The following HAVCR1 variants were observed in gnomAD, a reference collection of about 807,000 sequenced individuals.
HAVCR1 encodes the protein T cell immunoglobin domain and mucin domain protein 1.
A neutral mutation model predicts 32.0 loss-of-function variants in HAVCR1; 34 were observed. The ratio of observed to expected loss-of-function variants is 1.06; its 90% confidence interval spans 0.81 to 1.42. The LOEUF is 1.42. HAVCR1 is among the 40% of genes most tolerant of loss of function. The pLI is 0.00. For missense variants in HAVCR1, 420 were observed against 442.3 expected, an observed-to-expected ratio of 0.95 and a Z score of 0.45; for synonymous variants, 178 against 170.3, an observed-to-expected ratio of 1.05 and a Z score of -0.35.
chr5:157,047,110 T>C (rs1263053531), intron 5 of HAVCR1, among the ~76,000 whole-genome samples: 3 of 152,174 alleles, frequency 2.0e-5, no homozygotes, highest in African/African-American at 7.2e-5. Context: ...GGAAACAATA[T>C]TGGACTTTCT....
chr5:157,045,439 G>A (rs1402907885), intron 5 of HAVCR1, among the ~76,000 whole-genome samples: 1 of 152,054 alleles, frequency 6.6e-6, no homozygotes, highest in African/African-American at 2.4e-5. Context: ...GAGGAGTGGG[G>A]AGGAGGGAGG....
chr5:157,040,204 AGGAGAATT>A (rs68135952), intron 6 of HAVCR1, among the ~76,000 whole-genome samples: 32,378 of 151,820 alleles, frequency 0.21, 4,102 homozygotes, highest in Admixed American at 0.32. Flanking sequence ...AGGCTGAGGC[AGGAGAATT>A]GCTTGAACCT....
At chr5:157,039,136 C>T (rs1005290667) in intron 6 of HAVCR1, among the ~76,000 whole-genome samples, 2 of 152,114 alleles carry the variant, frequency 1.3e-5, no homozygotes, top group African/African-American at 4.8e-5. Flanking sequence ...ATAAATAAAC[C>T]ATAACTTTAA....
chr5:157,053,751 T>C (rs1755919179), intron 3 of HAVCR1, among the ~76,000 whole-genome samples: 1 of 151,892 alleles, frequency 6.6e-6, no homozygotes, highest in Non-Finnish European at 1.5e-5. Context: ...GCACCTGTAG[T>C]CCCAGCTACT....
In HAVCR1 at chr5:157,042,682, T is replaced by C. The variant is rs750760078; in HGVS notation, c.782A>G (p.Asp261Gly). 1 of 1,563,514 alleles carries C rather than the reference T, an allele frequency of 6.4e-7. No individual in the cohort carries two copies. Among genetic ancestry groups the C allele is most frequent in the Admixed American group, 1.7e-5 (1 of 59,188 alleles). Residue 261 changes from aspartate to glycine, a missense_variant and splice_region_variant, in exon 6 of 9, where the codon GAT (aspartate) becomes GGT (glycine). By Grantham distance (94) the Asp-to-Gly change is moderately conservative. Transcript: ENST00000523175. ...AGACTCTGTCACGGTGTCATTCCCA[T>C]CTACTCAACAAGAAGGAAATTTAAT... The part of the protein sequence containing the change: ...TSSPLYSYTT[D>G]GNDTVTESSD...
chr5:157,050,462 C>A (rs563133243), intron 4 of HAVCR1, among the ~76,000 whole-genome samples: 1 of 152,278 alleles, frequency 6.6e-6, no homozygotes. Flanking sequence ...AATGTCCCTG[C>A]GTTCTATTTG....
chr5:157,036,780 T>G (rs1390841135), intron 7 of HAVCR1, among the ~76,000 whole-genome samples: 1 of 152,152 alleles, frequency 6.6e-6, no homozygotes, highest in African/African-American at 2.4e-5. Flanking sequence ...CAAGCAATCC[T>G]CCTGCCTCAG....
intron 6 of HAVCR1, 108 bp from the exon 7 acceptor site, chr5:157,037,469 G>A: frequency 1.6e-6 from 1 of 633,034 alleles, no homozygotes; most frequent in South Asian, 1.9e-5. Context: ...TGGTGCTTGG[G>A]GACTTCTGGA....
chr5:157,036,716 T>A (rs1040176751), intron 7 of HAVCR1, among the ~76,000 whole-genome samples: 3 of 152,174 alleles, frequency 2.0e-5, no homozygotes, highest in African/African-American at 7.2e-5. Flanking sequence ...TTTCCTTTTA[T>A]TTTAGAGACA....
chr5:157,036,950 T>C (rs1256540018), intron 7 of HAVCR1, among the ~76,000 whole-genome samples: 1 of 152,206 alleles, frequency 6.6e-6, no homozygotes, highest in East Asian at 1.9e-4. Context: ...AGTCTTGAAC[T>C]CCTGGGCTCA....
Position 157,029,766 on chromosome 5 carries a change from G to A in HAVCR1, c.1062C>T (p.Ile354=), listed in dbSNP as rs773225254. Residue 354 remains isoleucine, a synonymous_variant, in exon 9 of 9, where the codon ATC becomes ATT. Transcript: ENST00000523175. The stretch of plus-strand genomic sequence containing the variant: ...TGGCATAAAGACTATTCTCAATGTA[G>A]ATATTGTCTTCTGCTTGGACTTCCT... The part of the protein sequence containing the change: ...VEKEVQAEDN[I]YIENSLYATD 9 of 1,611,728 alleles carry A rather than the reference G, an allele frequency of 5.6e-6. No individual in the cohort carries two copies. In the Admixed American group the frequency reaches 8.3e-5, roughly 15 times the overall value.
chr5:157,046,260 G>A (rs964762659), intron 5 of HAVCR1, among the ~76,000 whole-genome samples: 3 of 152,166 alleles, frequency 2.0e-5, no homozygotes, highest in African/African-American at 7.2e-5. Context: ...GGCCTGCAAG[G>A]TGTGACCTTG....
intron 5 of HAVCR1, 137 bp from the exon 6 acceptor site, chr5:157,042,819 G>A (rs1341747453): frequency 3.5e-6 from 2 of 563,958 alleles, no homozygotes; most frequent in East Asian, 6.0e-5. Flanking sequence ...GGCACTGCAA[G>A]AGTCATACCA....
intron 5 of HAVCR1, among the ~76,000 whole-genome samples, chr5:157,044,428 A>G (rs1561589950): frequency 6.7e-4 from 18 of 26,754 alleles, no homozygotes; most frequent in Admixed American, 1.0e-3. Context: ...AAGGAGAAAG[A>G]AAGAAAGAAA....
rs1754056827 is a variant in HAVCR1, at chr5:157,029,754, A to G, written c.1074T>C (p.Asn358=). 2 of 1,612,716 alleles carry G rather than the reference A, an allele frequency of 1.2e-6. No individual in the cohort carries two copies. Among genetic ancestry groups the G allele is most frequent in the South Asian group, 1.1e-5 (1 of 91,058 alleles). The change falls in exon 9 of 9, where the codon AAT becomes AAC. Residue 358 remains asparagine, a synonymous_variant. Coordinates refer to ENST00000523175, the MANE Select transcript of HAVCR1 (RefSeq NM_001173393.3). Reference sequence around the variant, plus strand: ...GGTCTTAGTCCGTGGCATAAAGACTATTCTCAATGTAGATATTGTCTTCTG... The same window carrying G: ...GGTCTTAGTCCGTGGCATAAAGACTGTTCTCAATGTAGATATTGTCTTCTG... ...VQAEDNIYIE[N]SLYATD
intron 5 of HAVCR1, among the ~76,000 whole-genome samples, chr5:157,047,394 A>C (rs1198036922): frequency 6.6e-6 from 1 of 152,136 alleles, no homozygotes; most frequent in Non-Finnish European, 1.5e-5. Flanking sequence ...TCTACTAAAA[A>C]TACAAAATTA....
chr5:157,042,258 C>A (rs924595518), intron 6 of HAVCR1, among the ~76,000 whole-genome samples: 1 of 150,802 alleles, frequency 6.6e-6, no homozygotes. Flanking sequence ...CTGGCTAACA[C>A]GGTGAAACCC....
At chr5:157,064,456 A>C in the HAVCR1 span, among the ~76,000 whole-genome samples, 1 of 152,108 alleles carries the variant, frequency 6.6e-6, no homozygotes, top group Non-Finnish European at 1.5e-5. Flanking sequence ...AAGGAGGTGG[A>C]GAAGGTGGAG....
At chr5:157,049,802 T>C (rs1755636994) in intron 4 of HAVCR1, among the ~76,000 whole-genome samples, 1 of 152,230 alleles carries the variant, frequency 6.6e-6, no homozygotes, top group South Asian at 2.1e-4. Context: ...CTTCTGCATC[T>C]GCATTCTAGT....
Sources: allele counts gnomAD v4.1 joint callset (sites outside exome capture counted in the v4.1 genomes callset), GRCh38; gene constraint gnomAD v4.1.1; transcripts MANE v1.5; gene names NCBI Gene and HGNC (gene_info 2026-07-23, HGNC 2026-07-21).